The following MRNIP variants were observed in gnomAD, a reference collection of about 807,000 sequenced individuals.
MRNIP encodes MRN complex interacting protein, also known as MRN complex-interacting protein.
Under a neutral mutation model 29.8 loss-of-function variants are expected in MRNIP, and 30 were observed. The ratio of observed to expected loss-of-function variants is 1.01; its 90% CI spans 0.75 to 1.36. The LOEUF is 1.36. Among genes scored for constraint, MRNIP ranks in the 40% most tolerant of loss-of-function variants. The pLI, the probability that MRNIP is intolerant of heterozygous loss-of-function variation, is 0.00. For missense variants in MRNIP, 459 were observed against 423.5 expected (o/e 1.08, Z -0.74); for synonymous variants, 201 against 164.1 (o/e 1.23, Z -1.72).
chr5:179,837,547 G>GA lies in MRNIP; in HGVS notation c.875dup (p.Thr293HisfsTer5), dbSNP rs750453657. The GA allele has an allele frequency of 5.5e-5, 89 of 1,614,138 alleles. No individual in the cohort carries two copies. Among genetic ancestry groups the GA allele is most frequent in the Non-Finnish European group, 6.8e-6 (8 of 1,180,054 alleles). On this transcript the variant is annotated frameshift_variant, in exon 7 of 7. Transcript: ENST00000292586. LOFTEE classifies it low-confidence loss of function (END_TRUNC). ...CGCAAGGCCTCTCAGACCCAGATGT[G>GA]ACGGGGTGTGTGGCCCGAGGAAGCT...
At chr5:179,843,069 G>GGGAGGGAA (rs1329755389) in intron 4 of MRNIP, among the ~76,000 whole-genome samples, 1 of 147,808 alleles carries the variant, frequency 6.8e-6, no homozygotes, top group Non-Finnish European at 1.5e-5. Flanking sequence ...AAGGGAGGGA[G>GGGAGGGAA]GGAGGGAGGG....
chr5:179,839,217 C>G (rs1248803458), intron 6 of MRNIP: 1 of 150,846 alleles, frequency 6.6e-6, no homozygotes, highest in African/African-American at 2.5e-5. Context: ...TGCCATTACA[C>G]TCCAGCCAGG....
intron 1 of MRNIP, among the ~76,000 whole-genome samples, chr5:179,854,594 T>C (rs1040820185): frequency 2.6e-5 from 4 of 151,948 alleles, no homozygotes; most frequent in Non-Finnish European, 4.4e-5. Flanking sequence ...CCGGGTAGCA[T>C]GGCAAGAGGC....
At chr5:179,850,377 G>A (rs997232619) in intron 2 of MRNIP, among the ~76,000 whole-genome samples, 2 of 152,206 alleles carry the variant, frequency 1.3e-5, no homozygotes, top group Non-Finnish European at 1.5e-5. Flanking sequence ...TTTTTTAAGT[G>A]AAGTGTGCTG....
intron 6 of MRNIP, chr5:179,838,668 CTG>C (rs578006687): frequency 8.6e-5 from 13 of 151,856 alleles, no homozygotes; most frequent in African/African-American, 2.9e-4. Flanking sequence ...AGAGCGAACT[CTG>C]TCTCAAAAAA....
At chr5:179,855,788 G>C (rs1759549587) in intron 1 of MRNIP, among the ~76,000 whole-genome samples, 1 of 151,890 alleles carries the variant, frequency 6.6e-6, no homozygotes, top group Admixed American at 6.6e-5. Context: ...GGAGGACAAT[G>C]AGCACCTACC....
chr5:179,857,820 C>G (rs978131840), intron 1 of MRNIP, among the ~76,000 whole-genome samples: 13 of 152,088 alleles, frequency 8.5e-5, no homozygotes, highest in African/African-American at 2.9e-4. Context: ...CGAGACCGGC[C>G]TGACCAACAT....
intron 1 of MRNIP, among the ~76,000 whole-genome samples, chr5:179,855,378 A>C (rs2113574951): frequency 6.6e-6 from 1 of 152,206 alleles, no homozygotes; most frequent in East Asian, 1.9e-4. Context: ...TCCTGACCTC[A>C]AGTGACCCAC....
intron 2 of MRNIP, 140 bp downstream of exon 2, chr5:179,853,238 C>T (rs1181281578): frequency 1.3e-6 from 2 of 1,557,858 alleles, no homozygotes; most frequent in Non-Finnish European, 8.7e-7. Context: ...CCTGAAGGAA[C>T]AGGAAGCTCG....
At chr5:179,851,565 A>ACG in intron 2 of MRNIP, 1 of 413,920 alleles carries the variant, frequency 2.4e-6, no homozygotes, top group South Asian at 1.7e-5. Context: ...GGGACCGGGG[A>ACG]TGAAGTTCTG....
intron 2 of MRNIP, among the ~76,000 whole-genome samples, chr5:179,850,634 G>A (rs1423111523): frequency 1.3e-5 from 2 of 152,220 alleles, no homozygotes; most frequent in Non-Finnish European, 2.9e-5. Context: ...CCTGTTTGGA[G>A]CACATTCGCC....
At chr5:179,847,701 G>C (rs977765012) in intron 3 of MRNIP, 2 of 323,328 alleles carry the variant, frequency 6.2e-6, no homozygotes, top group African/African-American at 4.4e-5. Context: ...GAGGCACAGA[G>C]CAATGGCCTG....
intron 4 of MRNIP, among the ~76,000 whole-genome samples, chr5:179,843,247 G>A (rs1758990892): frequency 6.6e-6 from 1 of 152,040 alleles, no homozygotes; most frequent in Non-Finnish European, 1.5e-5. Flanking sequence ...GTGACAGAGA[G>A]GGACCCTGTC....
rs1168362082 is a variant in MRNIP at position 179,837,884 on chromosome 5, C to A, written c.539G>T (p.Gly180Val). ...GSEVAWGPQK[G>V]QAGLTWKVKQ... The stretch of plus-strand genomic sequence containing the variant: ...CACCTTCCATGTCAGGCCAGCCTGT[C>A]CCTGAAAGAGAAGATGGCCATGCCC... Residue 180 changes from glycine (G) to valine (V), a missense_variant and splice_region_variant, in exon 7 of 7, where the codon GGA becomes GTA. Coordinates refer to ENST00000292586, the MANE Select transcript of MRNIP (RefSeq NM_016175.4). The A allele has an allele frequency of 6.2e-7, 1 of 1,602,386 alleles. No homozygotes were observed. Among genetic ancestry groups the A allele is most frequent in the Non-Finnish European group, 8.5e-7 (1 of 1,178,216 alleles).
At chr5:179,842,173 T>TC in intron 4 of MRNIP, 109 bp from the exon 5 acceptor site, 2 of 1,095,874 alleles carry the variant, frequency 1.8e-6, no homozygotes, top group Non-Finnish European at 2.7e-6. Context: ...CATGTCCAGC[T>TC]CCACTCTAGG....
rs1183376167 is a variant in MRNIP, at chr5:179,837,374, A to G, written c.*17T>C. The stretch of plus-strand genomic sequence containing the variant: ...TCCTAACAAGTGTATCTCGATTAAT[A>G]ACCTGCCAGTCCCAGATCACACATC... On this transcript the variant is annotated 3_prime_UTR_variant, in exon 7 of 7. Transcript: ENST00000292586. 1.3e-5 allele frequency: 20 copies of G among 1,582,586 alleles called. No homozygotes were observed. The highest frequency in any genetic ancestry group is 1.7e-5 in the Non-Finnish European group (20 of 1,163,224).
rs112961940 is a variant in MRNIP at position 179,849,398 on chromosome 5, G to A, written c.127-1332C>T. ...CTGCAATGACACAGGCAGATGGTAA[G>A]AGATGGAATTTGTGACCATGGGTCC... On this transcript the variant is annotated intron_variant, in intron 2 of 6. Transcript: ENST00000292586. Among the ~76,000 whole-genome samples the A allele has an allele frequency of 1.2e-4, 18 of 150,092 alleles. No individual in the cohort carries two copies. In the East Asian group the frequency reaches 2.2e-3, roughly 18 times the overall value.
rs534741214 is a variant in MRNIP, at chr5:179,841,760, GGCA to G, written c.449+144_449+146del. 1.5e-3 allele frequency: 1,205 copies of G among 816,936 alleles called. 1 individual carries two copies. Among genetic ancestry groups the G allele is most frequent in the Non-Finnish European group, 2.0e-3 (1,029 of 510,968 alleles). The allele number at this position is 816,936 out of a possible 1,614,324, so 50.6% of individuals were successfully genotyped here. On this transcript the variant is annotated intron_variant, in intron 5 of 6. Transcript: ENST00000292586. ...CCAGGTGGGCTGTGGGGCCAGCAGTGGCAGCAGCTGCCCGATTTCCCACCTGCT... is the reference window on the plus strand; with the variant it reads ...CCAGGTGGGCTGTGGGGCCAGCAGTGGCAGCTGCCCGATTTCCCACCTGCT...
intron 1 of MRNIP, among the ~76,000 whole-genome samples, chr5:179,855,909 T>G (rs1171371501): frequency 1.4e-5 from 2 of 144,056 alleles, no homozygotes; most frequent in Non-Finnish European, 3.0e-5. Flanking sequence ...GAAAAGTTGT[T>G]TTTTTTTTTT....
Sources: allele counts gnomAD v4.1 joint callset (sites outside exome capture counted in the v4.1 genomes callset), GRCh38; gene constraint gnomAD v4.1.1; transcripts MANE v1.5; gene names NCBI Gene and HGNC (gene_info 2026-07-23, HGNC 2026-07-21).